GAS2: variants seen among roughly 807,000 people sequenced by gnomAD.
The protein encoded by GAS2 is growth arrest specific 2, also known as growth arrest-specific protein 2.
A neutral mutation model predicts 37.5 loss-of-function variants in GAS2; 20 were observed. The ratio of observed to expected loss-of-function variants is 0.53; its 90% CI spans 0.37 to 0.77. GAS2 has a LOEUF of 0.77. Ranked by LOEUF, GAS2 falls within the 30% of genes least tolerant of loss-of-function variation. The pLI is 0.00. For synonymous variants in GAS2, 144 were observed against 132.2 expected, an observed-to-expected ratio of 1.09 and a Z score of -0.61; for missense variants, 336 against 373.4, an observed-to-expected ratio of 0.90 and a Z score of 0.82.
intron 5 of GAS2, among the ~76,000 whole-genome samples, chr11:22,748,707 C>G (rs1240905305): frequency 2.0e-5 from 3 of 152,034 alleles, no homozygotes; most frequent in Non-Finnish European, 2.9e-5. Flanking sequence ...TGTTTGCAAA[C>G]TTGAGTCTGA....
At chr11:22,780,293 G>A (rs1855488943) in intron 7 of GAS2, among the ~76,000 whole-genome samples, 1 of 152,012 alleles carries the variant, frequency 6.6e-6, no homozygotes, top group East Asian at 1.9e-4. Flanking sequence ...TCAGGAGATC[G>A]AGACCATCCT....
chr11:22,747,364 T>G lies in GAS2; in HGVS notation c.474-1756T>G, dbSNP rs144935892. ...GTCCTGTCCCATAAACTGGTACCTATGTACAACAGATTAGAAATATGTTCA... is the reference window on the plus strand; with the variant it reads ...GTCCTGTCCCATAAACTGGTACCTAGGTACAACAGATTAGAAATATGTTCA... On this transcript the variant is annotated intron_variant, in intron 5 of 7. Transcript: ENST00000454584. Among the ~76,000 whole-genome samples, 377 of 152,242 alleles carry G rather than the reference T, an allele frequency of 2.5e-3. 2 individuals are homozygous for G. The highest frequency in any genetic ancestry group is 8.8e-3 in the African/African-American group (365 of 41,560).
At chr11:22,647,584 A>C (rs1426012372) in intron 1 of GAS2, among the ~76,000 whole-genome samples, 14 of 152,014 alleles carry the variant, frequency 9.2e-5, no homozygotes, top group Admixed American at 9.2e-4. Context: ...TCCAGCACCT[A>C]TTGTTTCCTG....
chr11:22,794,651 T>C (rs1856342463), intron 7 of GAS2, among the ~76,000 whole-genome samples: 1 of 152,216 alleles, frequency 6.6e-6, no homozygotes, highest in Non-Finnish European at 1.5e-5. Context: ...TAGTGCACCA[T>C]GATTACTTTT....
chr11:22,765,257 A>T (rs1001771302), intron 7 of GAS2, among the ~76,000 whole-genome samples: 1 of 152,214 alleles, frequency 6.6e-6, no homozygotes. Context: ...CGTACAAAAA[A>T]TATATACAGA....
At chr11:22,811,581 AG>A (rs1432941326) in intron 7 of GAS2, among the ~76,000 whole-genome samples, 7 of 151,978 alleles carry the variant, frequency 4.6e-5, no homozygotes, top group Non-Finnish European at 8.8e-5. Flanking sequence ...AGCACAGCAA[AG>A]CTGGGTTCTG....
intron 3 of GAS2, among the ~76,000 whole-genome samples, chr11:22,722,148 G>T (rs1240700386): frequency 6.6e-6 from 1 of 151,914 alleles, no homozygotes; most frequent in Non-Finnish European, 1.5e-5. Context: ...AAGGCAGTGG[G>T]TTGAATTAGT....
At chr11:22,768,695 T>A (rs1590109850) in intron 7 of GAS2, among the ~76,000 whole-genome samples, 1 of 152,184 alleles carries the variant, frequency 6.6e-6, no homozygotes, top group South Asian at 2.1e-4. Flanking sequence ...TCTCAGAAAC[T>A]CATACCTTGG....
At chr11:22,781,001 T>C (rs183485964) in intron 7 of GAS2, among the ~76,000 whole-genome samples, 4 of 152,302 alleles carry the variant, frequency 2.6e-5, no homozygotes, top group Admixed American at 2.6e-4. Flanking sequence ...AGCAAAGCAT[T>C]CTGAATTAGG....
intron 1 of GAS2, among the ~76,000 whole-genome samples, chr11:22,652,022 G>A (rs1848782916): frequency 6.6e-6 from 1 of 152,162 alleles, no homozygotes; most frequent in Non-Finnish European, 1.5e-5. Flanking sequence ...CAGTTTTTCT[G>A]CTCTGTTTTT....
chr11:22,803,679 C>G (rs192298853), intron 7 of GAS2, among the ~76,000 whole-genome samples: 1 of 152,012 alleles, frequency 6.6e-6, no homozygotes, highest in Non-Finnish European at 1.5e-5. Flanking sequence ...GTAGGTACAA[C>G]CTGTGGAAGT....
At chr11:22,717,762 A>G (rs1180245575) in intron 3 of GAS2, among the ~76,000 whole-genome samples, 1 of 103,606 alleles carries the variant, frequency 9.7e-6, no homozygotes, top group African/African-American at 3.0e-5. Flanking sequence ...AAGGAACTCA[A>G]ACAAATCAGC....
intron 7 of GAS2, among the ~76,000 whole-genome samples, chr11:22,769,336 G>T (rs1328836450): frequency 6.6e-6 from 1 of 152,174 alleles, no homozygotes; most frequent in African/African-American, 2.4e-5. Flanking sequence ...CAACCTTGAA[G>T]AATTTATTTA....
chr11:22,699,119 C>T (rs564832193), intron 3 of GAS2, among the ~76,000 whole-genome samples: 29 of 152,134 alleles, frequency 1.9e-4, no homozygotes, highest in Admixed American at 3.3e-4. Context: ...GTTCCATTAT[C>T]GGTCTCAACA....
At chr11:22,650,323 G>T (rs1407309779) in intron 1 of GAS2, among the ~76,000 whole-genome samples, 6 of 150,656 alleles carry the variant, frequency 4.0e-5, no homozygotes, top group Admixed American at 6.6e-5. Context: ...TTGGTGAGGA[G>T]AGCTTTACTT....
chr11:22,748,299 C>T (rs1359674098), intron 5 of GAS2, among the ~76,000 whole-genome samples: 1 of 151,890 alleles, frequency 6.6e-6, no homozygotes, highest in East Asian at 1.9e-4. Context: ...TGATGATCCC[C>T]AAAACCCTTC....
chr11:22,696,611 C>T (rs1266196090), intron 3 of GAS2, among the ~76,000 whole-genome samples: 2 of 151,816 alleles, frequency 1.3e-5, no homozygotes, highest in Non-Finnish European at 2.9e-5. Flanking sequence ...CCTGTTGTTT[C>T]CTGACTTTTT....
At chr11:22,808,565 A>T (rs1012712052) in intron 7 of GAS2, among the ~76,000 whole-genome samples, 1 of 152,246 alleles carries the variant, frequency 6.6e-6, no homozygotes, top group Admixed American at 6.5e-5. Flanking sequence ...CCAGGCTGAA[A>T]AGTGTTTCTG....
chr11:22,777,100 G>A (rs933422674), intron 7 of GAS2, among the ~76,000 whole-genome samples: 6 of 152,182 alleles, frequency 3.9e-5, no homozygotes, highest in African/African-American at 1.4e-4. Context: ...AGGAAAAGGA[G>A]AGGCGTACTT....
Sources: gnomAD v4.1 joint callset for allele counts (sites outside exome capture counted in the v4.1 genomes callset) on GRCh38, gnomAD v4.1.1 for gene constraint, MANE v1.5 for transcripts, NCBI Gene and HGNC (gene_info 2026-07-23, HGNC 2026-07-21) for gene names.